UBE3B: variants seen among roughly 807,000 people sequenced by gnomAD.
UBE3B encodes ubiquitin-protein ligase E3B.
UBE3B carries 80 observed loss-of-function variants against 132.3 expected under a neutral mutation model. The observed-to-expected ratio is 0.60, with a 90% CI of 0.50 to 0.73. The LOEUF is 0.73. UBE3B is among the 30% of genes least tolerant of loss of function. The pLI is 0.00. For synonymous variants in UBE3B, 487 were observed against 520.4 expected (o/e 0.94, Z 0.87); for missense variants, 1,196 against 1,362.5 (o/e 0.88, Z 1.92).
chr12:109,480,637 C>T (rs1004626191), intron 1 of UBE3B, among the ~76,000 whole-genome samples: 5 of 144,730 alleles, frequency 3.5e-5, no homozygotes, highest in South Asian at 2.2e-4. Flanking sequence ...GATGACAGAG[C>T]GAGACCCTGC....
At chr12:109,507,820 T>C (rs1304860363) in intron 15 of UBE3B, 85 bp downstream of exon 15, 48 of 1,422,386 alleles carry the variant, frequency 3.4e-5, no homozygotes, top group Non-Finnish European at 4.2e-5. Flanking sequence ...TAATTGCTAA[T>C]GTGATTACTG....
chr12:109,483,869 T>C lies in UBE3B; in HGVS notation c.170T>C (p.Ile57Thr), dbSNP rs200272943. ...SRLQRDIRRE[I>T]DDFFKADDPE... ...TGCACTTTCTTTTCTAGGAGAGAGA[T>C]TGATGACTTTTTTAAAGCAGATGAC... is the stretch of plus-strand genomic sequence containing the variant. Residue 57 changes from isoleucine (I) to threonine (T), a missense_variant, in exon 4 of 28, where the codon ATT (isoleucine) becomes ACT (threonine). By Grantham distance (89) the Ile-to-Thr change is moderately conservative. Transcript: ENST00000342494. 32 of 1,610,260 alleles carry C rather than the reference T, an allele frequency of 2.0e-5. No homozygotes were observed. Among genetic ancestry groups the C allele is most frequent in the Non-Finnish European group, 2.5e-5 (30 of 1,178,448 alleles).
intron 14 of UBE3B, 51 bp from the exon 15 acceptor site, chr12:109,507,513 G>T: frequency 1.3e-6 from 2 of 1,568,852 alleles, no homozygotes; most frequent in South Asian, 2.4e-5. Flanking sequence ...AGAAATAACA[G>T]ACCAGGTGGA....
chr12:109,542,113 C>T, the UBE3B span, among the ~76,000 whole-genome samples: 1 of 152,242 alleles, frequency 6.6e-6, no homozygotes, highest in Admixed American at 6.5e-5. Context: ...TGAACCACCA[C>T]ATGCTCACAG....
chr12:109,530,340 C>T (rs952209661), intron 25 of UBE3B, among the ~76,000 whole-genome samples: 1 of 152,214 alleles, frequency 6.6e-6, no homozygotes, highest in African/African-American at 2.4e-5. Context: ...TGCTTGGGAA[C>T]AGCAGGGCCA....
At chr12:109,494,459 C>A (rs1877913530) in intron 9 of UBE3B, among the ~76,000 whole-genome samples, 1 of 152,142 alleles carries the variant, frequency 6.6e-6, no homozygotes, top group South Asian at 2.1e-4. Context: ...TGTTTTTCCC[C>A]ATATGCCTGC....
At chr12:109,500,648 A>G (rs1162694730) in intron 12 of UBE3B, among the ~76,000 whole-genome samples, 4 of 151,936 alleles carry the variant, frequency 2.6e-5, no homozygotes, top group Non-Finnish European at 4.4e-5. Flanking sequence ...GGAGAGCAGC[A>G]CCTCCGCAGA....
At position 109,521,527 on chromosome 12, in the gene UBE3B, G is replaced by C. The variant is rs771034258; in HGVS notation, c.2340G>C (p.Lys780Asn). ...NYLQLFEFVG[K>N]MLGKAVYEGI... ...TGCAGCTCTTCGAGTTTGTGGGGAAGATGCTGGGGAAGGCTGTGTATGAGG... is the reference window on the plus strand; with the variant it reads ...TGCAGCTCTTCGAGTTTGTGGGGAACATGCTGGGGAAGGCTGTGTATGAGG... The change falls in exon 21 of 28, where the codon AAG becomes AAC. Residue 780 changes from lysine (K) to asparagine (N), a missense_variant. Coordinates refer to ENST00000342494, the MANE Select transcript of UBE3B (RefSeq NM_130466.4). This position sits in a 1 kb window ranked among gnomAD's most constrained non-coding sequence, Gnocchi z 4.2. The C allele has an allele frequency of 4.4e-6, 7 of 1,599,368 alleles. No individual in the cohort carries two copies. The highest frequency in any genetic ancestry group is 1.7e-6 in the Non-Finnish European group (2 of 1,171,292).
intron 4 of UBE3B, among the ~76,000 whole-genome samples, chr12:109,485,339 G>A (rs551315736): frequency 1.3e-3 from 202 of 152,178 alleles, no homozygotes; most frequent in Non-Finnish European, 2.5e-3. Context: ...AGATCTCTAC[G>A]CTCATGGAGC....
rs1592933585 is a variant in UBE3B, at chr12:109,510,238, G to C, written c.1742-106G>C. 38 of 882,418 alleles carry C rather than the reference G, an allele frequency of 4.3e-5. No individual in the cohort carries two copies. In the South Asian group the frequency reaches 6.1e-4, roughly 14 times the overall value. The allele number at this position is 882,418 out of a possible 1,614,324, so 54.7% of individuals were successfully genotyped here. A position where few individuals can be genotyped will look rare whatever the true frequency, so the allele number is the denominator to read the frequency against. ...GTCGGTTCCACATATAATTCAGAGC[G>C]AGGGAGATCAAGGACTTGATGACAA... is the stretch of plus-strand genomic sequence containing the variant. On this transcript the variant is annotated intron_variant, in intron 16 of 27. Coordinates refer to ENST00000342494, the MANE Select transcript of UBE3B (RefSeq NM_130466.4).
intron 19 of UBE3B, chr12:109,520,478 A>T (rs1881567947): frequency 6.6e-6 from 1 of 152,530 alleles, no homozygotes; most frequent in Non-Finnish European, 1.5e-5. Flanking sequence ...CACCAGCCAG[A>T]AGTCCAGGCC....
chr12:109,497,878 G>A lies in UBE3B; in HGVS notation c.774G>A (p.Met258Ile), dbSNP rs760423512. The change falls in exon 10 of 28, where the codon ATG becomes ATA. Residue 258 changes from methionine (M) to isoleucine (I), a missense_variant. Physicochemically the swap from Met to Ile is conservative, Grantham distance 10. Transcript: ENST00000342494. Reference protein sequence around the residue: ...NLIRPFLIHIMSVPALVTHLS... With the variant: ...NLIRPFLIHIISVPALVTHLS... ...TTCGGCCGTTCCTCATCCACATCAT[G>A]TCTGTGCCTGCTCTGGTGACTCATC... 6.8e-6 allele frequency: 11 copies of A among 1,614,166 alleles called. No homozygotes were observed. In the South Asian group the frequency reaches 1.2e-4, roughly 18 times the overall value.
chr12:109,498,136 C>G, intron 10 of UBE3B, 97 bp from the exon 11 acceptor site: 1 of 1,535,996 alleles, frequency 6.5e-7, no homozygotes, highest in South Asian at 1.2e-5. Flanking sequence ...CTAGCACATC[C>G]TCCATAACCA....
chr12:109,528,251 A>G, intron 24 of UBE3B: 1 of 817,416 alleles, frequency 1.2e-6, no homozygotes, highest in Non-Finnish European at 1.5e-6. Context: ...GATGTTTCCC[A>G]TACTCTCTTC....
Position 109,529,870 on chromosome 12 carries a change from C to G in UBE3B, c.2628-20C>G. The G allele has an allele frequency of 6.2e-7, 1 of 1,613,458 alleles. No homozygotes were observed. The highest frequency in any genetic ancestry group is 8.5e-7 in the Non-Finnish European group (1 of 1,179,402). The stretch of plus-strand genomic sequence containing the variant: ...CCGTCCTGTTAATTGTCATTGTTAT[C>G]TCTTCCTTGTTGGCAACAGAATTAG... On this transcript the variant is annotated intron_variant, in intron 24 of 27. Coordinates refer to ENST00000342494, the MANE Select transcript of UBE3B (RefSeq NM_130466.4).
chr12:109,486,130 T>C lies in UBE3B; in HGVS notation c.342+59T>C, dbSNP rs1876387254. On this transcript the variant is annotated intron_variant, in intron 5 of 27. Coordinates refer to ENST00000342494, the MANE Select transcript of UBE3B (RefSeq NM_130466.4). The stretch of plus-strand genomic sequence containing the variant: ...GCTCTTAAGGGCCAACCTACTGGGC[T>C]CTGAAAGTTCCTGTTGAATATTAGG... 51 of 1,518,260 alleles carry C rather than the reference T, an allele frequency of 3.4e-5. 3 individuals carry two copies. The South Asian group carries it at 6.0e-4, about 18-fold the overall frequency. The allele number at this position is 1,518,260 out of a possible 1,614,324, so 94.0% of individuals were successfully genotyped here.
chr12:109,483,209 TTA>T (rs1875779694), intron 2 of UBE3B, among the ~76,000 whole-genome samples: 1 of 152,198 alleles, frequency 6.6e-6, no homozygotes, highest in African/African-American at 2.4e-5. Flanking sequence ...AATTAGAGCT[TTA>T]TGGGTGGGAC....
At chr12:109,508,613 A>G (rs1227184311) in intron 15 of UBE3B, 1 of 985,494 alleles carries the variant, frequency 1.0e-6, no homozygotes, top group Non-Finnish European at 1.2e-6. Context: ...GATCAGGGAC[A>G]TGTAGGTGGC....
At chr12:109,478,762 C>G (rs771685459) in intron 1 of UBE3B, among the ~76,000 whole-genome samples, 1 of 152,228 alleles carries the variant, frequency 6.6e-6, no homozygotes, top group Non-Finnish European at 1.5e-5. Context: ...GCCTGGGCAA[C>G]AAAGTGAGAC....
Sources: gnomAD v4.1 joint callset for allele counts (sites outside exome capture counted in the v4.1 genomes callset) on GRCh38, gnomAD v4.1.1 for gene constraint, Gnocchi (gnomAD v3.1) non-coding constraint, MANE v1.5 for transcripts, NCBI Gene and HGNC (gene_info 2026-07-23, HGNC 2026-07-21) for gene names.